AFF3: variants seen among roughly 807,000 people sequenced by gnomAD.
AFF3 encodes ALF transcription elongation factor 3.
In AFF3, 32 loss-of-function variants were observed where a neutral mutation model predicts 129.7. The ratio of observed to expected loss-of-function variants is 0.25; its 90% CI spans 0.19 to 0.33. The LOEUF (loss-of-function observed/expected upper bound fraction) is 0.33. Among genes scored for constraint, AFF3 ranks in the 10% least tolerant of loss-of-function variants. AFF3 has a pLI of 1.00. For missense variants in AFF3, 1,373 were observed against 1,592.0 expected, an observed-to-expected ratio of 0.86 and a Z score of 2.34; for synonymous variants, 644 against 635.4, an observed-to-expected ratio of 1.01 and a Z score of -0.20.
At chr2:99,930,071 A>G (rs1696560718) in intron 7 of AFF3, among the ~76,000 whole-genome samples, 1 of 152,164 alleles carries the variant, frequency 6.6e-6, no homozygotes, top group Admixed American at 6.5e-5. Context: ...ACTTAAAGAA[A>G]ACACTGATTC....
chr2:99,681,930 G>A (rs541431853), intron 11 of AFF3, among the ~76,000 whole-genome samples: 4 of 131,502 alleles, frequency 3.0e-5, no homozygotes, highest in South Asian at 4.7e-4. Flanking sequence ...TTTTTGAGAC[G>A]GAGTCTCGTT....
At chr2:100,038,886 C>T (rs1052951332) in intron 4 of AFF3, among the ~76,000 whole-genome samples, 1 of 151,946 alleles carries the variant, frequency 6.6e-6, no homozygotes, top group Non-Finnish European at 1.5e-5. Context: ...CCACGCCCGG[C>T]TAATTTTTTG....
chr2:99,652,418 A>G (rs1175919824), intron 12 of AFF3, among the ~76,000 whole-genome samples: 1 of 152,202 alleles, frequency 6.6e-6, no homozygotes, highest in Non-Finnish European at 1.5e-5. Context: ...GGTCCCTTGT[A>G]TAATGAAGAA....
chr2:99,767,831 G>A (rs1233383794), intron 8 of AFF3, among the ~76,000 whole-genome samples: 1 of 152,202 alleles, frequency 6.6e-6, no homozygotes, highest in African/African-American at 2.4e-5. Context: ...TGTAGTCCCA[G>A]CTACTCAGGA....
At chr2:100,128,098 T>C (rs1246490879) in intron 2 of AFF3, among the ~76,000 whole-genome samples, 1 of 151,872 alleles carries the variant, frequency 6.6e-6, no homozygotes, top group East Asian at 1.9e-4. Context: ...GAAGTTACTC[T>C]ATATCATCTA....
chr2:99,910,431 A>G (rs1695031003), intron 7 of AFF3, among the ~76,000 whole-genome samples: 1 of 152,216 alleles, frequency 6.6e-6, no homozygotes, highest in Non-Finnish European at 1.5e-5. Flanking sequence ...GAGGATACAA[A>G]TATGTTCTTC....
intron 7 of AFF3, among the ~76,000 whole-genome samples, chr2:99,951,940 G>T (rs1177510837): frequency 2.6e-5 from 4 of 152,148 alleles, no homozygotes; most frequent in Non-Finnish European, 5.9e-5. Flanking sequence ...TGCAACCCTG[G>T]AACTGACTGA....
intron 7 of AFF3, among the ~76,000 whole-genome samples, chr2:99,853,913 G>A (rs963367796): frequency 1.4e-4 from 21 of 152,120 alleles, no homozygotes; most frequent in Admixed American, 2.6e-4. Flanking sequence ...TGTTTCAAAT[G>A]AATTAAAAAA....
At chr2:100,126,233 C>T (rs180895476) in intron 2 of AFF3, among the ~76,000 whole-genome samples, 20 of 152,224 alleles carry the variant, frequency 1.3e-4, no homozygotes, top group African/African-American at 2.4e-4. Flanking sequence ...TGGTTTAGCA[C>T]GGAGGCAGAG....
In AFF3 at chr2:99,593,263, C is replaced by A. The variant is rs760523833; in HGVS notation, c.2398G>T (p.Ala800Ser). ...SAPATKDSES[A>S]PPSHTSDTPA... ...GTGTCCGAGGTGTGGCTGGGCGGTG[C>A]GCTCTCAGAGTCCTTGGTGGCAGGG... The change falls in exon 15 of 25, where the codon GCA becomes TCA. Residue 800 changes from alanine (A) to serine (S), a missense_variant. By Grantham distance (99) the Ala-to-Ser change is moderately conservative (BLOSUM62 1). Around this residue, in one of 9 missense-constraint regions of AFF3, gnomAD observed 466 missense variants for 505.0 expected, o/e 0.92. Transcript: ENST00000672756. The A allele has an allele frequency of 1.2e-6, 2 of 1,612,436 alleles. No individual in the cohort carries two copies. The highest frequency in any genetic ancestry group is 2.2e-5 in the South Asian group (2 of 91,038).
At chr2:99,893,588 C>T (rs2106097685) in intron 7 of AFF3, among the ~76,000 whole-genome samples, 1 of 152,312 alleles carries the variant, frequency 6.6e-6, no homozygotes, top group Non-Finnish European at 1.5e-5. Context: ...AAACACTGAA[C>T]CCTGCCCGGC....
At chr2:99,604,391 G>A (rs375667543) in intron 13 of AFF3, among the ~76,000 whole-genome samples, 123 of 152,226 alleles carry the variant, frequency 8.1e-4, no homozygotes, top group African/African-American at 2.8e-3. Context: ...CAAATGCCAC[G>A]TGTTCTCACT....
chr2:99,588,483 T>G (rs943643180), intron 15 of AFF3, among the ~76,000 whole-genome samples: 5 of 152,202 alleles, frequency 3.3e-5, no homozygotes, highest in African/African-American at 1.2e-4. Context: ...AGCCTGTGTT[T>G]AACTTTAGAT....
chr2:99,646,844 A>T (rs539861381), intron 13 of AFF3, among the ~76,000 whole-genome samples: 1 of 152,370 alleles, frequency 6.6e-6, no homozygotes, highest in African/African-American at 2.4e-5. Flanking sequence ...TTAATTCAGC[A>T]AGTGTTTTAA....
Position 100,125,000 on chromosome 2 carries a change from T to C in AFF3, c.-145+4224A>G, listed in dbSNP as rs149990075. Among the ~76,000 whole-genome samples the C allele has an allele frequency of 3.9e-5, 6 of 152,298 alleles. 1 individual carries two copies. The highest frequency in any genetic ancestry group is 1.4e-4 in the African/African-American group (6 of 41,562). On this transcript the variant is annotated intron_variant, in intron 2 of 24. Coordinates refer to ENST00000672756, the MANE Select transcript of AFF3 (RefSeq NM_001386135.1). ...ACTTCATCAGTCAATGACAGAATCATAGCAACTTGGTTGCAATTTCAACAC... is the reference window on the plus strand; with the variant it reads ...ACTTCATCAGTCAATGACAGAATCACAGCAACTTGGTTGCAATTTCAACAC...
In AFF3 at chr2:99,593,599, ACTC is replaced by A. The variant is rs746801236; in HGVS notation, c.2059_2061del (p.Glu687del). ...ACGGTCTGTGCTTTGGACAGAGGGTACTCCTCCTGCTCGGACTCCAGGTCGGAG... is the reference window on the plus strand; with the variant it reads ...ACGGTCTGTGCTTTGGACAGAGGGTACTCCTGCTCGGACTCCAGGTCGGAG... On this transcript the variant is annotated inframe_deletion, in exon 15 of 25. Transcript: ENST00000672756. The A allele has an allele frequency of 5.0e-6, 8 of 1,612,282 alleles. No homozygotes were observed. Among genetic ancestry groups the A allele is most frequent in the East Asian group, 4.5e-5 (2 of 44,798 alleles).
intron 11 of AFF3, among the ~76,000 whole-genome samples, chr2:99,681,825 A>T (rs1425203679): frequency 6.6e-6 from 1 of 150,948 alleles, no homozygotes; most frequent in Admixed American, 6.6e-5. Context: ...TTTTTTTTTT[A>T]CAGTAGCCTG....
chr2:99,967,822 C>A (rs910616555), intron 7 of AFF3, among the ~76,000 whole-genome samples: 3 of 152,214 alleles, frequency 2.0e-5, no homozygotes, highest in African/African-American at 7.2e-5. Flanking sequence ...AGAACCAATG[C>A]CACTGCCTTA....
rs1391119418 is a variant in AFF3 at position 100,008,514 on chromosome 2, TTATAA to T, written c.174+293_174+297del. Among the ~76,000 whole-genome samples, 5 of 151,782 alleles carry T rather than the reference TTATAA, an allele frequency of 3.3e-5. No individual in the cohort carries two copies. In the East Asian group the frequency reaches 7.7e-4, roughly 23 times the overall value. On this transcript the variant is annotated intron_variant, in intron 5 of 24. Transcript: ENST00000672756. ...GAAAACATAACAAATGGGATTGACC[TTATAA>T]TATGTCAACGCGGAGATGAAGTCTG...
Sources: gnomAD v4.1 joint callset for allele counts (sites outside exome capture counted in the v4.1 genomes callset) on GRCh38, gnomAD v4.1.1 for gene constraint, gnomAD v4.1.1 regional missense constraint, MANE v1.5 for transcripts, NCBI Gene and HGNC (gene_info 2026-07-23, HGNC 2026-07-21) for gene names.